Variants in MTMR3 observed in about 807,000 individuals in gnomAD.
The protein encoded by MTMR3 is phosphatidylinositol-3,5-bisphosphate 3-phosphatase MTMR3.
A neutral mutation model predicts 132.4 loss-of-function variants in MTMR3; 32 were observed. That is an observed-to-expected ratio of 0.24 (90% CI 0.18 to 0.32). The LOEUF (loss-of-function observed/expected upper bound fraction) is 0.32, where lower values mean the gene tolerates loss of function less well. Among genes scored for constraint, MTMR3 ranks in the 10% least tolerant of loss-of-function variants. MTMR3 has a pLI of 1.00. For synonymous variants in MTMR3, 556 were observed against 550.3 expected (o/e 1.01, Z -0.14); for missense variants, 1,216 against 1,489.6 (o/e 0.82, Z 3.02).
intron 1 of MTMR3, among the ~76,000 whole-genome samples, chr22:29,912,951 G>C (rs2065242399): frequency 6.6e-6 from 1 of 151,984 alleles, no homozygotes; most frequent in Non-Finnish European, 1.5e-5. Context: ...CCATCGAAAG[G>C]GTCTTAGTCA....
chr22:29,945,908 A>G (rs1050755894), intron 1 of MTMR3, among the ~76,000 whole-genome samples: 34 of 152,222 alleles, frequency 2.2e-4, no homozygotes, highest in African/African-American at 7.9e-4. Context: ...TTTTTTGGAG[A>G]GAAATTTTAG....
chr22:30,020,828 G>A lies in MTMR3; in HGVS notation c.3169G>A (p.Glu1057Lys). ...AGTCCAGGAGCTGAAGAGTCGCCTGGAGAGCCAGTACCTGACCAGCTCCCT... is the reference window on the plus strand; with the variant it reads ...AGTCCAGGAGCTGAAGAGTCGCCTGAAGAGCCAGTACCTGACCAGCTCCCT... ...KQVQELKSRLESQYLTSSLHF... is the reference protein window; with the variant it reads ...KQVQELKSRLKSQYLTSSLHF... Residue 1057 changes from glutamate to lysine, a missense_variant, in exon 17 of 20, where the codon GAG becomes AAG. This residue lies in a region of MTMR3 where 852 missense variants were observed against 852.0 expected (regional missense o/e 1.00). Transcript: ENST00000401950. 6.2e-7 allele frequency: 1 copy of A among 1,610,448 alleles called. No individual in the cohort carries two copies. Among genetic ancestry groups the A allele is most frequent in the Non-Finnish European group, 8.5e-7 (1 of 1,178,128 alleles).
chr22:29,917,573 TAAAA>T (rs367645791), intron 1 of MTMR3, among the ~76,000 whole-genome samples: 2 of 152,070 alleles, frequency 1.3e-5, no homozygotes, highest in African/African-American at 2.4e-5. Context: ...TGTGCAATTT[TAAAA>T]AAAAGTGTAA....
At chr22:29,987,659 A>G (rs2066884723) in intron 5 of MTMR3, 1 of 152,182 alleles carries the variant, frequency 6.6e-6, no homozygotes, top group South Asian at 2.1e-4. Context: ...CCCTGTCTAG[A>G]TGCTTTTGCT....
chr22:30,018,402 T>G, intron 16 of MTMR3: 1 of 224,762 alleles, frequency 4.4e-6, no homozygotes, highest in Non-Finnish European at 8.6e-6. Flanking sequence ...TTTGCCATGA[T>G]TTGTCTTCTG....
At chr22:29,959,211 C>T (rs1009554149) in intron 2 of MTMR3, among the ~76,000 whole-genome samples, 1 of 151,846 alleles carries the variant, frequency 6.6e-6, no homozygotes, top group Non-Finnish European at 1.5e-5. Flanking sequence ...GATGATGGAG[C>T]TGAGAGAAGC....
At chr22:30,009,799 T>A (rs1414847530) in intron 12 of MTMR3, 1 of 152,244 alleles carries the variant, frequency 6.6e-6, no homozygotes, top group Non-Finnish European at 1.5e-5. Context: ...TTAAAAATCC[T>A]GTTTTACTAT....
intron 3 of MTMR3, among the ~76,000 whole-genome samples, chr22:29,975,864 C>G (rs754486896): frequency 2.0e-5 from 3 of 152,336 alleles, no homozygotes; most frequent in East Asian, 1.9e-4. Flanking sequence ...CTGTAGCCCC[C>G]CAAAGTGCTG....
chr22:29,904,163 C>T (rs973779085), intron 1 of MTMR3, among the ~76,000 whole-genome samples: 1 of 152,074 alleles, frequency 6.6e-6, no homozygotes, highest in East Asian at 1.9e-4. Context: ...AAATTAACAC[C>T]GTGGGAGTAT....
chr22:29,983,074 G>T (rs1248436155), intron 5 of MTMR3: 1 of 151,934 alleles, frequency 6.6e-6, no homozygotes, highest in Admixed American at 6.6e-5. Context: ...CCTGTGCTTG[G>T]AGCAAATTGG....
In MTMR3 at chr22:29,892,709, A is replaced by G. The variant is rs187929249; in HGVS notation, c.-138+9350A>G. 3.0e-3 allele frequency among the ~76,000 whole-genome samples: 458 copies of G among 152,352 alleles called. 2 individuals carry two copies. Among genetic ancestry groups the G allele is most frequent in the Non-Finnish European group, 5.4e-3 (367 of 68,030 alleles). On this transcript the variant is annotated intron_variant, in intron 1 of 19. Coordinates refer to ENST00000401950, the MANE Select transcript of MTMR3 (RefSeq NM_021090.4). ...GTTATTTCATGTGGGTCATTGGCAG[A>G]GAAAGATAATACTAAAATCTTAGAG...
chr22:30,012,464 G>T lies in MTMR3; in HGVS notation c.1218G>T (p.Gln406His). ...LLVVHAVDQDQRPVLVHCSDG... is the reference protein window; with the variant it reads ...LLVVHAVDQDHRPVLVHCSDG... Reference sequence around the variant, plus strand: ...TAGTGCATGCTGTGGATCAGGATCAGCGGCCGGTGCTAGTACACTGCTCAG... The same window carrying T: ...TAGTGCATGCTGTGGATCAGGATCATCGGCCGGTGCTAGTACACTGCTCAG... Residue 406 changes from glutamine (Q) to histidine (H), a missense_variant, in exon 13 of 20, where the codon CAG becomes CAT. By Grantham distance (24) the Gln-to-His change is conservative. Around this residue, in one of 7 missense-constraint regions of MTMR3, gnomAD observed 106 missense variants for 209.5 expected, o/e 0.51. Coordinates refer to ENST00000401950, the MANE Select transcript of MTMR3 (RefSeq NM_021090.4). 1 of 1,614,168 alleles carries T rather than the reference G, an allele frequency of 6.2e-7. No individual in the cohort carries two copies. Among genetic ancestry groups the T allele is most frequent in the Non-Finnish European group, 8.5e-7 (1 of 1,180,026 alleles).
rs539591204 is a variant in MTMR3, at chr22:29,962,296, G to C, written c.-85+5208G>C. ...ACTATACAATTCACCCATTTAAAGT[G>C]TACAGTTCAGTGGCTCAGTATATTC... is the stretch of plus-strand genomic sequence containing the variant. On this transcript the variant is annotated intron_variant, in intron 2 of 19. Coordinates refer to ENST00000401950, the MANE Select transcript of MTMR3 (RefSeq NM_021090.4). Among the ~76,000 whole-genome samples the C allele has an allele frequency of 2.6e-5, 4 of 152,276 alleles. No homozygotes were observed. In the South Asian group the frequency reaches 8.3e-4, roughly 32 times the overall value.
intron 1 of MTMR3, among the ~76,000 whole-genome samples, chr22:29,903,899 G>A (rs2065047313): frequency 6.6e-6 from 1 of 152,060 alleles, no homozygotes; most frequent in Admixed American, 6.6e-5. Flanking sequence ...TGGTGAACAG[G>A]TATCTCATTT....
At chr22:29,929,282 A>AAAAC (rs540551136) in intron 1 of MTMR3, among the ~76,000 whole-genome samples, 1 of 152,090 alleles carries the variant, frequency 6.6e-6, no homozygotes, top group African/African-American at 2.4e-5. Context: ...CTCCATCTCA[A>AAAAC]AAACAAACAA....
chr22:29,921,234 T>G (rs973263566), intron 1 of MTMR3, among the ~76,000 whole-genome samples: 2 of 152,062 alleles, frequency 1.3e-5, no homozygotes, highest in African/African-American at 4.8e-5. Flanking sequence ...AGGCGTGTCA[T>G]GTGGCGAGGG....
At chr22:29,927,065 G>A (rs2065531308) in intron 1 of MTMR3, among the ~76,000 whole-genome samples, 1 of 152,132 alleles carries the variant, frequency 6.6e-6, no homozygotes, top group Non-Finnish European at 1.5e-5. Context: ...ATATTCAGTT[G>A]TCCCACCACC....
rs2064770189 is a variant in MTMR3 at position 29,890,269 on chromosome 22, C to G, written c.-138+6910C>G. 2.6e-5 allele frequency among the ~76,000 whole-genome samples: 4 copies of G among 152,018 alleles called. 1 individual carries two copies. The highest frequency in any genetic ancestry group is 2.6e-4 in the Admixed American group (4 of 15,272). Reference sequence around the variant, plus strand: ...TGGTGGCTCATGCATGTAATCCCAGCACTTTGGGAGGCCAAGGCGGGTGGA... The same window carrying G: ...TGGTGGCTCATGCATGTAATCCCAGGACTTTGGGAGGCCAAGGCGGGTGGA... On this transcript the variant is annotated intron_variant, in intron 1 of 19. Coordinates refer to ENST00000401950, the MANE Select transcript of MTMR3 (RefSeq NM_021090.4).
chr22:29,912,413 A>G (rs931691678), intron 1 of MTMR3, among the ~76,000 whole-genome samples: 4 of 152,100 alleles, frequency 2.6e-5, no homozygotes, highest in Non-Finnish European at 5.9e-5. Context: ...CCTCCCAAGT[A>G]GCTGGGATTA....
Sources: gnomAD v4.1 joint callset for allele counts (sites outside exome capture counted in the v4.1 genomes callset) on GRCh38, gnomAD v4.1.1 for gene constraint, gnomAD v4.1.1 regional missense constraint, MANE v1.5 for transcripts, NCBI Gene and HGNC (gene_info 2026-07-23, HGNC 2026-07-21) for gene names.